The following C6orf118 variants were observed in gnomAD, a reference collection of about 807,000 sequenced individuals.
C6orf118 encodes the protein uncharacterized protein C6orf118.
A neutral mutation model predicts 50.2 loss-of-function variants in C6orf118; 50 were observed. That is an observed-to-expected ratio of 1.00 (90% CI 0.79 to 1.26). The LOEUF (loss-of-function observed/expected upper bound fraction) is 1.26. Among genes scored for constraint, C6orf118 ranks in the 50% most tolerant of loss-of-function variants. The pLI, the probability that C6orf118 is intolerant of heterozygous loss-of-function variation, is 0.00. For missense variants in C6orf118, 641 were observed against 578.7 expected, an observed-to-expected ratio of 1.11 and a Z score of -1.10; for synonymous variants, 239 against 230.9, an observed-to-expected ratio of 1.03 and a Z score of -0.32.
chr6:165,281,480 C>T, intron 8 of C6orf118, 160 bp downstream of exon 8: 2 of 1,382,632 alleles, frequency 1.4e-6, no homozygotes, highest in Non-Finnish European at 1.9e-6. Flanking sequence ...TCAATACTTA[C>T]TCCTGCCTCT....
At chr6:165,289,745 C>T (rs1429137472) in intron 7 of C6orf118, 141 bp downstream of exon 7, 3 of 469,182 alleles carry the variant, frequency 6.4e-6, no homozygotes, top group African/African-American at 2.0e-5. Flanking sequence ...TTATTTGCTA[C>T]AAACATTTTG....
chr6:165,293,411 G>A lies in C6orf118; in HGVS notation c.1120+2C>T, dbSNP rs758692345. 4 of 1,613,806 alleles carry A rather than the reference G, an allele frequency of 2.5e-6. No homozygotes were observed. In the Admixed American group the frequency reaches 6.7e-5, roughly 27 times the overall value. ...AAGGAAGGACATCACACAGACACCT[G>A]CCTGATCGTTCCTTTGCAGACTGCA... On this transcript the variant is annotated splice_donor_variant, in intron 6 of 8. Transcript: ENST00000230301. LOFTEE classifies it low-confidence loss of function (GC_TO_GT_DONOR).
rs1780579819 is a variant in C6orf118, at chr6:165,302,191, A to G, written c.131T>C (p.Leu44Pro). ...GTGGTCTTTCTGAAGCCGATTCAGA[A>G]GTTTCTTCAGATTACACAGGGTCTT... The part of the protein sequence containing the change: ...GVKTLCNLKK[L>P]LNRLQKDHRE... Residue 44 changes from leucine to proline, a missense_variant, in exon 2 of 9, where the codon CTT (leucine) becomes CCT (proline). By Grantham distance (98) the Leu-to-Pro change is moderately conservative. Coordinates refer to ENST00000230301, the MANE Select transcript of C6orf118 (RefSeq NM_144980.4). 1 of 1,612,768 alleles carries G rather than the reference A, an allele frequency of 6.2e-7. No homozygotes were observed. Among genetic ancestry groups the G allele is most frequent in the Non-Finnish European group, 8.5e-7 (1 of 1,179,964 alleles).
intron 7 of C6orf118, among the ~76,000 whole-genome samples, chr6:165,288,425 A>C (rs1343450769): frequency 6.6e-6 from 1 of 151,736 alleles, no homozygotes; most frequent in Non-Finnish European, 1.5e-5. Flanking sequence ...GCAAACCCAA[A>C]TCCCTTTTGT....
At chr6:165,300,316 C>A (rs748076631) in intron 3 of C6orf118, 48 bp downstream of exon 3, 115 of 1,605,958 alleles carry the variant, frequency 7.2e-5, no homozygotes, top group Middle Eastern at 4.9e-4. Flanking sequence ...GTACACAGAA[C>A]CTCATGCAAG....
intron 5 of C6orf118, among the ~76,000 whole-genome samples, chr6:165,294,018 G>A (rs980037266): frequency 3.3e-5 from 5 of 151,832 alleles, no homozygotes; most frequent in East Asian, 3.9e-4. Context: ...AGGCTGAGGC[G>A]GGCAGATCAC....
At chr6:165,288,027 A>G (rs1779971995) in intron 7 of C6orf118, among the ~76,000 whole-genome samples, 2 of 152,224 alleles carry the variant, frequency 1.3e-5, no homozygotes, top group Non-Finnish European at 2.9e-5. Flanking sequence ...TCTGCAATCT[A>G]TTTATCTGGC....
intron 1 of C6orf118, among the ~76,000 whole-genome samples, chr6:165,306,216 T>C (rs1303941231): frequency 5.8e-5 from 2 of 34,494 alleles, no homozygotes; most frequent in Admixed American, 7.7e-4. Flanking sequence ...CAGTAAACTA[T>C]CGCAAGAACA....
At chr6:165,307,798 C>T (rs1341689009) in intron 1 of C6orf118, among the ~76,000 whole-genome samples, 2 of 152,158 alleles carry the variant, frequency 1.3e-5, no homozygotes, top group African/African-American at 2.4e-5. Context: ...TGGAGGAGAG[C>T]GGGAGCCTCA....
chr6:165,296,977 G>C (rs1780332237), intron 5 of C6orf118, among the ~76,000 whole-genome samples: 1 of 152,154 alleles, frequency 6.6e-6, no homozygotes, highest in African/African-American at 2.4e-5. Context: ...GGAATATCTG[G>C]TCACAGGTCA....
chr6:165,308,611 A>G (rs1353979164), intron 1 of C6orf118, among the ~76,000 whole-genome samples: 1 of 152,192 alleles, frequency 6.6e-6, no homozygotes, highest in Non-Finnish European at 1.5e-5. Flanking sequence ...TATACAAAGA[A>G]GAGAAAAGAC....
intron 5 of C6orf118, 106 bp from the exon 6 acceptor site, chr6:165,293,577 G>A: frequency 1.2e-6 from 1 of 834,196 alleles, no homozygotes; most frequent in Non-Finnish European, 1.9e-6. Flanking sequence ...AATTAAAATA[G>A]ATCTGCTTAC....
chr6:165,297,941 T>A, intron 5 of C6orf118, 36 bp downstream of exon 5: 1 of 1,612,602 alleles, frequency 6.2e-7, no homozygotes. Flanking sequence ...TACGGAAGAA[T>A]CTAAACATAG....
chr6:165,309,268 A>C (rs1780853991), intron 1 of C6orf118, among the ~76,000 whole-genome samples: 1 of 152,018 alleles, frequency 6.6e-6, no homozygotes, highest in African/African-American at 2.4e-5. Context: ...CCTCCTCTTC[A>C]GGCTTCCGGA....
At chr6:165,298,621 G>C (rs962255866) in intron 4 of C6orf118, among the ~76,000 whole-genome samples, 2 of 152,166 alleles carry the variant, frequency 1.3e-5, no homozygotes, top group African/African-American at 4.8e-5. Context: ...GCTCACATTT[G>C]ACCGAGATAG....
chr6:165,309,393 G>A (rs770829610), intron 1 of C6orf118, among the ~76,000 whole-genome samples, 169 bp downstream of exon 1: 15 of 152,252 alleles, frequency 9.9e-5, no homozygotes, highest in Non-Finnish European at 1.9e-4. Context: ...ATTCTCTGAG[G>A]AGGCAGCACA....
At chr6:165,302,581 G>A (rs1780599409) in intron 1 of C6orf118, among the ~76,000 whole-genome samples, 1 of 152,186 alleles carries the variant, frequency 6.6e-6, no homozygotes, top group Admixed American at 6.5e-5. Flanking sequence ...ATTTGGCAGA[G>A]TATTTCTTAC....
At chr6:165,286,230 A>T (rs2128157498) in intron 7 of C6orf118, among the ~76,000 whole-genome samples, 1 of 152,312 alleles carries the variant, frequency 6.6e-6, no homozygotes, top group East Asian at 1.9e-4. Flanking sequence ...TGAACCAGGA[A>T]GAAGTGAATC....
chr6:165,287,154 A>C (rs993945046), intron 7 of C6orf118, among the ~76,000 whole-genome samples: 1 of 152,166 alleles, frequency 6.6e-6, no homozygotes, highest in African/African-American at 2.4e-5. Flanking sequence ...CAGAGAGCCC[A>C]ATTATGAATG....
Sources: gnomAD v4.1 joint callset for allele counts (sites outside exome capture counted in the v4.1 genomes callset) on GRCh38, gnomAD v4.1.1 for gene constraint, MANE v1.5 for transcripts, NCBI Gene and HGNC (gene_info 2026-07-23, HGNC 2026-07-21) for gene names.